The following NEB variants were observed in gnomAD, a reference collection of about 807,000 sequenced individuals.
NEB encodes the protein nemaline myopathy type 2.
NEB carries 512 observed loss-of-function variants against 952.2 expected under a neutral mutation model. The observed-to-expected ratio is 0.54, with a 90% CI of 0.50 to 0.58. NEB has a LOEUF of 0.58. Among genes scored for constraint, NEB ranks in the 20% least tolerant of loss-of-function variants. The pLI is 0.00. For synonymous variants in NEB, 2,900 were observed against 3,149.8 expected (o/e 0.92, Z 2.66); for missense variants, 8,428 against 9,231.1 (o/e 0.91, Z 3.56).
chr2:151,733,257 T>G (rs1445402226), intron 2 of NEB, 72 bp from the exon 3 acceptor site: 19 of 1,093,808 alleles, frequency 1.7e-5, no homozygotes, highest in Admixed American at 4.7e-5. Flanking sequence ...TATGACATTA[T>G]AAAAATAGAA....
chr2:151,621,732 T>C (rs896985222), intron 71 of NEB, among the ~76,000 whole-genome samples: 2 of 152,220 alleles, frequency 1.3e-5, no homozygotes, highest in Non-Finnish European at 2.9e-5. Context: ...ACAAATCATA[T>C]ATACCAATGG....
At chr2:151,728,553 A>G (rs2099797434) in intron 4 of NEB, among the ~76,000 whole-genome samples, 1 of 152,226 alleles carries the variant, frequency 6.6e-6, no homozygotes, top group African/African-American at 2.4e-5. Flanking sequence ...AAGAATAATG[A>G]TGACAACATA....
chr2:151,715,674 T>C (rs2099757122), intron 10 of NEB, among the ~76,000 whole-genome samples: 1 of 152,246 alleles, frequency 6.6e-6, no homozygotes, highest in South Asian at 2.1e-4. Flanking sequence ...GAATCCGTGA[T>C]CTTAGACTCC....
chr2:151,500,898 C>T (rs1490268794), intron 168 of NEB, among the ~76,000 whole-genome samples: 1 of 151,936 alleles, frequency 6.6e-6, no homozygotes, highest in Non-Finnish European at 1.5e-5. Flanking sequence ...CACGCCTGGC[C>T]CCAAATAAGA....
intron 135 of NEB, among the ~76,000 whole-genome samples, chr2:151,542,763 T>C (rs768416389): frequency 6.6e-5 from 10 of 152,232 alleles, no homozygotes; most frequent in Non-Finnish European, 1.3e-4. Flanking sequence ...CTTTCAAAAG[T>C]CTGAGACACA....
rs563224214 is a variant in NEB, at chr2:151,493,152, T to G, written c.24765+201A>C. 1.2e-4 allele frequency: 63 copies of G among 533,196 alleles called. 1 individual carries two copies. Among genetic ancestry groups the G allele is most frequent in the East Asian group, 1.0e-3 (32 of 31,934 alleles). The allele number at this position is 533,196 out of a possible 1,614,324, so 33.0% of individuals were successfully genotyped here. ...GATGGTTTGGAATGTAAAAGCACAG[T>G]TAATGTCTATTTTAGTGTAAATTTT... is the stretch of plus-strand genomic sequence containing the variant. On this transcript the variant is annotated intron_variant, in intron 176 of 181. Transcript: ENST00000397345.
intron 153 of NEB, among the ~76,000 whole-genome samples, chr2:151,520,531 T>A (rs1385132692): frequency 6.6e-6 from 1 of 152,156 alleles, no homozygotes; most frequent in Non-Finnish European, 1.5e-5. Flanking sequence ...TTTGATTGAA[T>A]GGAAGGAAGA....
intron 29 of NEB, 56 bp downstream of exon 29, chr2:151,682,606 A>G: frequency 7.2e-7 from 1 of 1,394,278 alleles, no homozygotes; most frequent in Non-Finnish European, 1.0e-6. Flanking sequence ...CATGCTTTTG[A>G]GAGCTTTAAC....
Position 151,555,048 on chromosome 2 carries a change from T to C in NEB, c.19315-4A>G, listed in dbSNP as rs778306769. The C allele has an allele frequency of 5.4e-5, 84 of 1,551,970 alleles. No homozygotes were observed. The highest frequency in any genetic ancestry group is 1.7e-4 in the Middle Eastern group (1 of 5,978). Reference sequence around the variant, plus strand: ...CATATTCTTCCCGATATTTGATCTATAGAGAATAAGTAGAAAGGAAGAAAC... The same window carrying C: ...CATATTCTTCCCGATATTTGATCTACAGAGAATAAGTAGAAAGGAAGAAAC... On this transcript the variant is annotated splice_region_variant and splice_polypyrimidine_tract_variant and intron_variant, in intron 124 of 181. Coordinates refer to ENST00000397345, the MANE Select transcript of NEB (RefSeq NM_001164508.2).
At position 151,692,306 on chromosome 2, in the gene NEB, C is replaced by T. The variant is rs367997645; in HGVS notation, c.1953G>A (p.Glu651=). ...GAGTATCAAGTTGATATTTTGGGGTCTCACAGTAATTCATACTCTTTGCCT... is the reference window on the plus strand; with the variant it reads ...GAGTATCAAGTTGATATTTTGGGGTTTCACAGTAATTCATACTCTTTGCCT... ...KTKAKSMNYC[E]TPKYQLDTQL... is the part of the protein sequence containing the mutation. Residue 651 remains glutamate (E), a synonymous_variant, in exon 21 of 182, where the codon GAG becomes GAA. Transcript: ENST00000397345. 57 of 1,613,668 alleles carry T rather than the reference C, an allele frequency of 3.5e-5. No individual in the cohort carries two copies. The Middle Eastern group carries it at 1.3e-3, about 37-fold the overall frequency.
intron 124 of NEB, among the ~76,000 whole-genome samples, chr2:151,556,494 T>G (rs1045627316): frequency 3.9e-5 from 6 of 152,200 alleles, no homozygotes; most frequent in African/African-American, 1.4e-4. Context: ...GATTAAGAGA[T>G]AAAGTCTCTA....
intron 161 of NEB, among the ~76,000 whole-genome samples, chr2:151,512,259 C>A (rs926057505): frequency 6.6e-6 from 1 of 151,972 alleles, no homozygotes; most frequent in Non-Finnish European, 1.5e-5. Context: ...TGGTCTGGAT[C>A]TCCTGACCTT....
Position 151,547,437 on chromosome 2 carries a change from T to C in NEB, c.20359A>G (p.Thr6787Ala), listed in dbSNP as rs1028441065. ...VIHCRYVGDI[T>A]SDIKYKEDLQ... ...CCCTACGAGATGCTTACATCACTGG[T>C]GATGTCTCCCACATAGCGGCAATGG... Residue 6787 changes from threonine (T) to alanine (A), a missense_variant, in exon 133 of 182, where the codon ACC becomes GCC. Physicochemically the swap from Thr to Ala is moderately conservative, Grantham distance 58 (BLOSUM62 0). Transcript: ENST00000397345. The C allele has an allele frequency of 6.3e-7, 1 of 1,596,948 alleles. No homozygotes were observed. Among genetic ancestry groups the C allele is most frequent in the Admixed American group, 1.7e-5 (1 of 57,762 alleles).
intron 84 of NEB, among the ~76,000 whole-genome samples, chr2:151,605,354 T>G (rs2097657748): frequency 8.8e-6 from 1 of 113,570 alleles, no homozygotes; most frequent in South Asian, 2.6e-4. Context: ...CCCTGACAAG[T>G]GCAACATTAG....
In NEB at chr2:151,724,979, A is replaced by G. The variant is rs878936380; in HGVS notation, c.403-18T>C. On this transcript the variant is annotated intron_variant, in intron 6 of 181. Coordinates refer to ENST00000397345, the MANE Select transcript of NEB (RefSeq NM_001164508.2). ...TACTTAACCTGCCCAAATAATGCAC[A>G]GTTAGAGTTCATGACAGGCATGTAC... The G allele has an allele frequency of 1.9e-6, 3 of 1,589,494 alleles. No individual in the cohort carries two copies. Among genetic ancestry groups the G allele is most frequent in the Non-Finnish European group, 2.6e-6 (3 of 1,158,324 alleles).
intron 38 of NEB, among the ~76,000 whole-genome samples, chr2:151,669,740 A>C (rs2099263201): frequency 6.6e-6 from 1 of 152,176 alleles, no homozygotes; most frequent in South Asian, 2.1e-4. Flanking sequence ...TTTAGATTTC[A>C]CTTCACATTC....
In NEB at chr2:151,619,808, T is replaced by C. The variant is rs561885346; in HGVS notation, c.10561-46A>G. The C allele has an allele frequency of 3.3e-6, 5 of 1,538,452 alleles. No homozygotes were observed. The African/African-American group carries it at 4.1e-5, about 13-fold the overall frequency. On this transcript the variant is annotated intron_variant, in intron 72 of 181. Transcript: ENST00000397345. ...AATAAGAAGGAAGCACAAAGGGCTA[T>C]TCCCTGTTGTTCTTTCTGTGGTGGT...
intron 129 of NEB, among the ~76,000 whole-genome samples, chr2:151,550,329 G>A (rs2095237436): frequency 6.6e-6 from 1 of 151,106 alleles, no homozygotes; most frequent in Admixed American, 6.6e-5. Context: ...TGCCCAGTTG[G>A]CTGTATGGCA....
Position 151,570,572 on chromosome 2 carries a change from C to T in NEB, c.17043G>A (p.Met5681Ile). The T allele has an allele frequency of 1.2e-6, 2 of 1,603,452 alleles. No individual in the cohort carries two copies. Among genetic ancestry groups the T allele is most frequent in the Non-Finnish European group, 1.7e-6 (2 of 1,175,032 alleles). ...NKLYREGWDE[M>I]KAGCDVRLDA... ...CCAGCCGGACATCACAGCCCGCCTT[C>T]ATTTCATCCCAGCCCTCACGGTAAA... Residue 5681 changes from methionine (M) to isoleucine (I), a missense_variant, in exon 108 of 182, where the codon ATG (methionine) becomes ATA (isoleucine). Physicochemically the swap from Met to Ile is conservative, Grantham distance 10 (BLOSUM62 1). Coordinates refer to ENST00000397345, the MANE Select transcript of NEB (RefSeq NM_001164508.2).
Sources: allele counts gnomAD v4.1 joint callset (sites outside exome capture counted in the v4.1 genomes callset), GRCh38; gene constraint gnomAD v4.1.1; transcripts MANE v1.5; gene names NCBI Gene and HGNC (gene_info 2026-07-23, HGNC 2026-07-21).